Variants in ABLIM2 observed in about 807,000 individuals in gnomAD.
ABLIM2 encodes actin binding LIM protein family member 2.
In ABLIM2, 53 loss-of-function variants were observed where a neutral mutation model predicts 97.7. The ratio of observed to expected loss-of-function variants is 0.54; its 90% CI spans 0.44 to 0.68. The LOEUF is 0.68. Ranked by LOEUF, ABLIM2 falls within the 30% of genes least tolerant of loss-of-function variation. ABLIM2 has a pLI of 0.00. For synonymous variants in ABLIM2, 361 were observed against 345.8 expected, an observed-to-expected ratio of 1.04 and a Z score of -0.49; for missense variants, 835 against 867.2, an observed-to-expected ratio of 0.96 and a Z score of 0.47.
Position 8,127,095 on chromosome 4 carries a change from C to G in ABLIM2, c.11-20458G>C, listed in dbSNP as rs1848314435. On this transcript the variant is annotated intron_variant, in intron 1 of 20. Transcript: ENST00000447017. The surrounding 1 kb of genome is among the most constrained non-coding windows in gnomAD (Gnocchi z 7.3). ...AAAAAAAAAAAAAAATGCCTGCAGA[C>G]ATTGCCACATGTCCCCCTGGGAGCA... Among the ~76,000 whole-genome samples, 1 of 150,472 alleles carries G rather than the reference C, an allele frequency of 6.6e-6. No individual in the cohort carries two copies. The highest frequency in any genetic ancestry group is 2.4e-5 in the African/African-American group (1 of 40,840).
In ABLIM2 at chr4:8,003,604, C is replaced by T. The variant is rs940831976; in HGVS notation, c.1618+4455G>A. 2.1e-5 allele frequency among the ~76,000 whole-genome samples: 3 copies of T among 139,958 alleles called. No homozygotes were observed. Among genetic ancestry groups the T allele is most frequent in the Non-Finnish European group, 3.0e-5 (2 of 66,166 alleles). 91.8% of individuals were successfully genotyped at this position (139,958 alleles called of 152,430 possible). A position where few individuals can be genotyped will look rare whatever the true frequency, so the allele number is the denominator to read the frequency against. ...TTTTGGAGATGGAGTCTCGCTCTGT[C>T]GCCCAGGCTGGAGTGCAATGGTGCA... On this transcript the variant is annotated intron_variant, in intron 16 of 20. Transcript: ENST00000447017. This position sits in a 1 kb window ranked among gnomAD's most constrained non-coding sequence, Gnocchi z 4.2.
rs1306143732 is a variant in ABLIM2 at position 8,058,805 on chromosome 4, T to C, written c.763+2162A>G. ...TTCAGCGAGAATACTGCAAAATCAGTCTGGCAGGAATCCCCTGGCCTAGAA... is the reference window on the plus strand; with the variant it reads ...TTCAGCGAGAATACTGCAAAATCAGCCTGGCAGGAATCCCCTGGCCTAGAA... On this transcript the variant is annotated intron_variant, in intron 7 of 20. Coordinates refer to ENST00000447017, the MANE Select transcript of ABLIM2 (RefSeq NM_001130083.2). The surrounding 1 kb of genome is among the most constrained non-coding windows in gnomAD (Gnocchi z 4.2). Among the ~76,000 whole-genome samples the C allele has an allele frequency of 1.3e-5, 2 of 152,164 alleles. No individual in the cohort carries two copies. Among genetic ancestry groups the C allele is most frequent in the African/African-American group, 4.8e-5 (2 of 41,448 alleles).
At chr4:8,034,459 G>A (rs1258281930) in intron 10 of ABLIM2, among the ~76,000 whole-genome samples, 1 of 140,008 alleles carries the variant, frequency 7.1e-6, no homozygotes, top group Non-Finnish European at 1.5e-5. Context: ...TGTGTGGTAG[G>A]TAGGTGCTGG....
Position 7,984,847 on chromosome 4 carries a change from C to A in ABLIM2, c.1727G>T (p.Gly576Val). The A allele has an allele frequency of 6.2e-7, 1 of 1,603,938 alleles. No individual in the cohort carries two copies. The highest frequency in any genetic ancestry group is 1.1e-5 in the South Asian group (1 of 88,512). The change falls in exon 18 of 21, where the codon GGC becomes GTC. Residue 576 changes from glycine to valine, a missense_variant. By Grantham distance (109) the Gly-to-Val change is moderately radical. Transcript: ENST00000447017. ...GTCCCCGCTCTGTGTACCTCGCATG[C>A]CCCAGCTGGCATCCGGGTCTGCTCC... The part of the protein sequence containing the change: ...PCGADPDASW[G>V]MREYKIYPYD...
Position 8,059,906 on chromosome 4 carries a change from CA to C in ABLIM2, c.763+1060del, listed in dbSNP as rs201148410. 2.9e-3 allele frequency among the ~76,000 whole-genome samples: 355 copies of C among 124,096 alleles called. 1 individual carries two copies. Among genetic ancestry groups the C allele is most frequent in the African/African-American group, 7.6e-3 (265 of 34,720 alleles). The allele number at this position is 124,096 out of a possible 152,430, so 81.4% of individuals were successfully genotyped here. On this transcript the variant is annotated intron_variant, in intron 7 of 20. Transcript: ENST00000447017. Reference sequence around the variant, plus strand: ...TGGGCAACAGAGCAAGACTCTGTTTCAAAAAAAAAAAAAAAAAAAAACCCCA... The same window carrying C: ...TGGGCAACAGAGCAAGACTCTGTTTCAAAAAAAAAAAAAAAAAAAACCCCA...
chr4:7,993,613 G>A (rs1248555330), intron 16 of ABLIM2, among the ~76,000 whole-genome samples: 1 of 152,128 alleles, frequency 6.6e-6, no homozygotes, highest in Non-Finnish European at 1.5e-5. Flanking sequence ...GGAGTTCGAG[G>A]CTGCAGTGAG....
chr4:8,092,847 A>AT (rs1167164354), intron 3 of ABLIM2, among the ~76,000 whole-genome samples: 2 of 151,952 alleles, frequency 1.3e-5, no homozygotes, highest in African/African-American at 4.8e-5. Context: ...TCTTTTGTCC[A>AT]TTTTTTTAAA....
At chr4:8,108,356 T>C (rs13139446) in intron 1 of ABLIM2, among the ~76,000 whole-genome samples, 27,340 of 152,174 alleles carry the variant, frequency 0.18, 3,157 homozygotes, top group Non-Finnish European at 0.26. Flanking sequence ...TCACCCCGAA[T>C]GATCTCATTG....
At chr4:8,027,160 C>T (rs1466264547) in intron 12 of ABLIM2, among the ~76,000 whole-genome samples, 1 of 152,180 alleles carries the variant, frequency 6.6e-6, no homozygotes, top group Non-Finnish European at 1.5e-5. Flanking sequence ...AATTAGGGCT[C>T]TATGAATGTG....
rs1233465642 is a variant in ABLIM2, at chr4:8,043,130, C to T, written c.900+2034G>A. The stretch of plus-strand genomic sequence containing the variant: ...TCTCACCACTGCACTCCAGCCTGGG[C>T]GACAGAGCCAGACCTTGTCTCAAAA... On this transcript the variant is annotated intron_variant, in intron 9 of 20. Coordinates refer to ENST00000447017, the MANE Select transcript of ABLIM2 (RefSeq NM_001130083.2). The surrounding 1 kb of genome is among the most constrained non-coding windows in gnomAD (Gnocchi z 4.8). Among the ~76,000 whole-genome samples the T allele has an allele frequency of 6.6e-6, 1 of 152,112 alleles. No homozygotes were observed. Among genetic ancestry groups the T allele is most frequent in the African/African-American group, 2.4e-5 (1 of 41,426 alleles).
rs576000436 is a variant in ABLIM2, at chr4:8,107,724, C to T, written c.11-1087G>A. 4.6e-5 allele frequency among the ~76,000 whole-genome samples: 7 copies of T among 152,298 alleles called. No individual in the cohort carries two copies. In the East Asian group the frequency reaches 9.7e-4, roughly 21 times the overall value. On this transcript the variant is annotated intron_variant, in intron 1 of 20. Coordinates refer to ENST00000447017, the MANE Select transcript of ABLIM2 (RefSeq NM_001130083.2). ...CCCAAGATGTCCCCTTTCTAATCCC[C>T]GGAACCTGTGCATATGCTTTCTGAC...
chr4:8,020,359 G>A, intron 12 of ABLIM2, 56 bp from the exon 13 acceptor site: 1 of 1,469,856 alleles, frequency 6.8e-7, no homozygotes. Context: ...AAGCAAAGTA[G>A]AATATTTCAA....
At chr4:7,979,725 G>C (rs1394798033) in intron 20 of ABLIM2, among the ~76,000 whole-genome samples, 1 of 152,202 alleles carries the variant, frequency 6.6e-6, no homozygotes, top group Non-Finnish European at 1.5e-5. Context: ...AAGATGGAGT[G>C]TTAAATACGC....
intron 7 of ABLIM2, among the ~76,000 whole-genome samples, chr4:8,055,270 G>T (rs893014060): frequency 6.6e-6 from 1 of 152,178 alleles, no homozygotes; most frequent in African/African-American, 2.4e-5. Context: ...CAGGATCTGG[G>T]GCACTTGCTC....
chr4:8,064,980 T>C (rs114415295), intron 6 of ABLIM2, among the ~76,000 whole-genome samples: 4,022 of 152,316 alleles, frequency 0.026, 178 homozygotes, highest in African/African-American at 0.093. Context: ...ACAGGTGCAG[T>C]GGCTCACACC....
chr4:8,134,105 A>AG (rs1849836001), intron 1 of ABLIM2, among the ~76,000 whole-genome samples: 1 of 152,208 alleles, frequency 6.6e-6, no homozygotes, highest in Non-Finnish European at 1.5e-5. Context: ...CAAGCACTGA[A>AG]GGACACAGCT....
At chr4:7,982,922 C>T (rs1319399018) in intron 20 of ABLIM2, among the ~76,000 whole-genome samples, 1 of 152,138 alleles carries the variant, frequency 6.6e-6, no homozygotes, top group East Asian at 1.9e-4. Flanking sequence ...AGGCTGGTCT[C>T]GAACTCCTGA....
chr4:8,023,952 C>T lies in ABLIM2; in HGVS notation c.1268-3649G>A, dbSNP rs543565688. On this transcript the variant is annotated intron_variant, in intron 12 of 20. Transcript: ENST00000447017. This position sits in a 1 kb window ranked among gnomAD's most constrained non-coding sequence, Gnocchi z 5.7. ...CCGCAGAGAGGCCAGCTGGTGGCCA[C>T]GGGCAGGCCAGGTAGGATGATGCCC... Among the ~76,000 whole-genome samples the T allele has an allele frequency of 5.9e-5, 9 of 152,300 alleles. No homozygotes were observed. The highest frequency in any genetic ancestry group is 4.1e-4 in the South Asian group (2 of 4,826).
At chr4:7,989,934 T>C (rs575201157) in intron 17 of ABLIM2, among the ~76,000 whole-genome samples, 1 of 152,232 alleles carries the variant, frequency 6.6e-6, no homozygotes, top group South Asian at 2.1e-4. Context: ...ACTTCAAGGG[T>C]AGGTTATGAG....
Sources: allele counts gnomAD v4.1 joint callset (sites outside exome capture counted in the v4.1 genomes callset), GRCh38; gene constraint gnomAD v4.1.1; non-coding constraint Gnocchi (gnomAD v3.1); transcripts MANE v1.5; gene names NCBI Gene and HGNC (gene_info 2026-07-23, HGNC 2026-07-21).